PHACTR1: variants seen among roughly 807,000 people sequenced by gnomAD.
PHACTR1 encodes RPEL repeat containing 1.
Under a neutral mutation model 69.2 loss-of-function variants are expected in PHACTR1, and 16 were observed. The ratio of observed to expected loss-of-function variants is 0.23; its 90% CI spans 0.16 to 0.35. The LOEUF is 0.35. Ranked by LOEUF, PHACTR1 falls within the 10% of genes least tolerant of loss-of-function variation. The pLI is 1.00. For missense variants in PHACTR1, 510 were observed against 734.7 expected (o/e 0.69, Z 3.54); for synonymous variants, 312 against 284.5 (o/e 1.10, Z -0.97).
chr6:13,084,556 A>G (rs1048579932), intron 5 of PHACTR1, among the ~76,000 whole-genome samples: 1 of 152,164 alleles, frequency 6.6e-6, no homozygotes, highest in Non-Finnish European at 1.5e-5. Flanking sequence ...TTAAAAAAAA[A>G]GAAAAATGAA....
chr6:13,046,599 T>C (rs1418272778), intron 4 of PHACTR1, among the ~76,000 whole-genome samples: 1 of 152,074 alleles, frequency 6.6e-6, no homozygotes, highest in Non-Finnish European at 1.5e-5. Context: ...AACATGGCCT[T>C]GTTGATTTAT....
At chr6:12,947,433 T>C (rs888730639) in intron 4 of PHACTR1, among the ~76,000 whole-genome samples, 2 of 151,716 alleles carry the variant, frequency 1.3e-5, no homozygotes, top group African/African-American at 4.8e-5. Context: ...GAGGGTTCAA[T>C]GAGAAATAAA....
At chr6:12,846,952 GAC>G (rs1326814015) in intron 4 of PHACTR1, among the ~76,000 whole-genome samples, 1 of 151,336 alleles carries the variant, frequency 6.6e-6, no homozygotes, top group African/African-American at 2.4e-5. Context: ...CCACAGCTAG[GAC>G]ACACGCCACA....
intron 4 of PHACTR1, among the ~76,000 whole-genome samples, chr6:13,022,634 T>C (rs1801132201): frequency 1.3e-5 from 2 of 151,236 alleles, no homozygotes; most frequent in South Asian, 4.2e-4. Flanking sequence ...TCACAGAGAC[T>C]CTCGAAGCTT....
chr6:12,725,971 A>G (rs1342475769), intron 3 of PHACTR1, among the ~76,000 whole-genome samples: 1 of 152,198 alleles, frequency 6.6e-6, no homozygotes, highest in Non-Finnish European at 1.5e-5. Context: ...TTCAAGATTT[A>G]GAAAATAGAA....
chr6:13,196,079 A>G (rs1399326377), intron 7 of PHACTR1, among the ~76,000 whole-genome samples: 3 of 152,178 alleles, frequency 2.0e-5, no homozygotes, highest in Non-Finnish European at 4.4e-5. Flanking sequence ...ACTGCATCTC[A>G]ATCAGTCTAG....
chr6:13,146,687 T>C (rs1823400187), intron 5 of PHACTR1, among the ~76,000 whole-genome samples: 1 of 152,210 alleles, frequency 6.6e-6, no homozygotes, highest in African/African-American at 2.4e-5. Context: ...GATTTCAGAT[T>C]TCCATTCTTC....
At chr6:12,787,173 G>A (rs764450386) in intron 4 of PHACTR1, among the ~76,000 whole-genome samples, 31 of 152,224 alleles carry the variant, frequency 2.0e-4, no homozygotes, top group Non-Finnish European at 4.0e-4. Flanking sequence ...TTAGGACAAT[G>A]TGTGAGGCTG....
intron 5 of PHACTR1, among the ~76,000 whole-genome samples, chr6:13,073,533 G>C (rs942656827): frequency 1.2e-4 from 18 of 151,012 alleles, no homozygotes; most frequent in African/African-American, 4.1e-4. Context: ...TAGGAGAGAA[G>C]GGGTTTCACC....
chr6:13,261,677 T>C (rs535307913), intron 10 of PHACTR1, among the ~76,000 whole-genome samples: 70 of 152,196 alleles, frequency 4.6e-4, no homozygotes, highest in African/African-American at 1.4e-3. Context: ...GTCTGGTGAA[T>C]AGGACAGGCA....
At chr6:13,121,760 A>G (rs892493072) in intron 5 of PHACTR1, among the ~76,000 whole-genome samples, 4 of 152,190 alleles carry the variant, frequency 2.6e-5, no homozygotes, top group African/African-American at 9.7e-5. Context: ...GTCTCTTTCA[A>G]TCTAGACAGG....
At chr6:13,091,930 T>C (rs1264738433) in intron 5 of PHACTR1, among the ~76,000 whole-genome samples, 2 of 152,142 alleles carry the variant, frequency 1.3e-5, no homozygotes, top group Non-Finnish European at 2.9e-5. Context: ...CCTGAGTAGC[T>C]GGGACTGCAG....
At chr6:13,249,706 G>A (rs961444007) in intron 10 of PHACTR1, among the ~76,000 whole-genome samples, 1 of 151,326 alleles carries the variant, frequency 6.6e-6, no homozygotes, top group African/African-American at 2.4e-5. Context: ...GGCTGAGGCA[G>A]GAGAATCACT....
At chr6:12,735,504 T>C (rs923373841) in intron 3 of PHACTR1, among the ~76,000 whole-genome samples, 3 of 152,206 alleles carry the variant, frequency 2.0e-5, no homozygotes, top group Non-Finnish European at 4.4e-5. Flanking sequence ...AGAGGGAGCA[T>C]AGCTCATACA....
chr6:12,821,346 C>G (rs1005107489), intron 4 of PHACTR1, among the ~76,000 whole-genome samples: 1 of 151,558 alleles, frequency 6.6e-6, no homozygotes, highest in Non-Finnish European at 1.5e-5. Context: ...ATCTGTAATT[C>G]TAACTATTCA....
At chr6:12,866,927 A>G (rs561259854) in intron 4 of PHACTR1, among the ~76,000 whole-genome samples, 3 of 152,286 alleles carry the variant, frequency 2.0e-5, no homozygotes, top group Admixed American at 1.3e-4. Flanking sequence ...TCAGGGCTAC[A>G]ATGCCATTTT....
chr6:12,806,425 C>T (rs530133033), intron 4 of PHACTR1, among the ~76,000 whole-genome samples: 6 of 152,234 alleles, frequency 3.9e-5, no homozygotes, highest in Admixed American at 1.3e-4. Context: ...TTTTAGGTCA[C>T]AAAATCCTAA....
Position 13,283,597 on chromosome 6 carries a change from G to T in PHACTR1, c.1650+35G>T, listed in dbSNP as rs1584459886. On this transcript the variant is annotated intron_variant, in intron 13 of 14. Coordinates refer to ENST00000332995, the MANE Select transcript of PHACTR1 (RefSeq NM_030948.6). The surrounding 1 kb of genome is among the most constrained non-coding windows in gnomAD (Gnocchi z 4.7). ...GGGGAGTGCTGGAGAGTGGGAGGCA[G>T]GACCGTCTGCTGGGTCTCGCTGGGC... is the stretch of plus-strand genomic sequence containing the variant. 6.2e-7 allele frequency: 1 copy of T among 1,613,424 alleles called. No individual in the cohort carries two copies. Among genetic ancestry groups the T allele is most frequent in the African/African-American group, 1.3e-5 (1 of 75,060 alleles).
At chr6:13,157,871 A>ATCTTT (rs113959573) in intron 5 of PHACTR1, among the ~76,000 whole-genome samples, 15 of 147,986 alleles carry the variant, frequency 1.0e-4, no homozygotes, top group Admixed American at 2.0e-4. Context: ...TGCTTAGCAG[A>ATCTTT]TCTTTTCTTT....
Sources: gnomAD v4.1 joint callset for allele counts (sites outside exome capture counted in the v4.1 genomes callset) on GRCh38, gnomAD v4.1.1 for gene constraint, Gnocchi (gnomAD v3.1) non-coding constraint, MANE v1.5 for transcripts, NCBI Gene and HGNC (gene_info 2026-07-23, HGNC 2026-07-21) for gene names.